WDR49: variants seen among roughly 807,000 people sequenced by gnomAD.
WDR49 encodes WD repeat domain 49, also known as cilia- and flagella-associated protein 337.
In WDR49, 107 loss-of-function variants were observed where a neutral mutation model predicts 119.5. That is an observed-to-expected ratio of 0.90 (90% CI 0.77 to 1.05). The LOEUF is 1.05. WDR49 is among the 50% of genes least tolerant of loss of function. WDR49 has a pLI of 0.00. For synonymous variants in WDR49, 425 were observed against 418.8 expected (o/e 1.01, Z -0.18); for missense variants, 1,240 against 1,220.5 (o/e 1.02, Z -0.24).
chr3:167,637,470 A>G (rs562217498), intron 2 of WDR49, among the ~76,000 whole-genome samples: 132 of 151,928 alleles, frequency 8.7e-4, no homozygotes, highest in Non-Finnish European at 1.5e-3. Flanking sequence ...TGCTTTGGCT[A>G]TGTGGGCTCT....
intron 7 of WDR49, among the ~76,000 whole-genome samples, chr3:167,597,624 C>G (rs1715549493): frequency 6.6e-6 from 1 of 152,118 alleles, no homozygotes; most frequent in South Asian, 2.1e-4. Context: ...AAGGATGGTA[C>G]CCTGCAGAGC....
rs1294369768 is a variant in WDR49 at position 167,478,954 on chromosome 3, T to C, written c.3074A>G (p.Glu1025Gly). The change falls in exon 19 of 19, where the codon GAA becomes GGA. Residue 1025 changes from glutamate to glycine, a missense_variant. Transcript: ENST00000682715. ...GGCTTTTCGTTCATGATGCAGAATTTCCTTGGGAAACAGGTTTTTCTCATC... is the reference window on the plus strand; with the variant it reads ...GGCTTTTCGTTCATGATGCAGAATTCCCTTGGGAAACAGGTTTTTCTCATC... ...VFDEKNLFPKEILHHERKAKQ... is the reference protein window; with the variant it reads ...VFDEKNLFPKGILHHERKAKQ... 1 of 1,609,424 alleles carries C rather than the reference T, an allele frequency of 6.2e-7. No individual in the cohort carries two copies. Among genetic ancestry groups the C allele is most frequent in the Admixed American group, 1.7e-5 (1 of 59,006 alleles).
At chr3:167,603,864 C>G (rs1257760066) in intron 6 of WDR49, among the ~76,000 whole-genome samples, 1 of 151,964 alleles carries the variant, frequency 6.6e-6, no homozygotes, top group Non-Finnish European at 1.5e-5. Flanking sequence ...GAAAAACAGT[C>G]TACATTTTGC....
chr3:167,548,678 A>C (rs1369530181), intron 10 of WDR49, among the ~76,000 whole-genome samples: 1 of 151,774 alleles, frequency 6.6e-6, no homozygotes, highest in African/African-American at 2.4e-5. Context: ...AGTTGCAATG[A>C]TATTTATTTT....
chr3:167,526,355 G>A (rs1457676649), intron 15 of WDR49, among the ~76,000 whole-genome samples: 2 of 152,020 alleles, frequency 1.3e-5, no homozygotes, highest in East Asian at 1.9e-4. Context: ...TTCTTGGTTC[G>A]ACCCCGGATG....
At chr3:167,646,151 G>GGACT (rs1718119290) in intron 2 of WDR49, among the ~76,000 whole-genome samples, 1 of 152,078 alleles carries the variant, frequency 6.6e-6, no homozygotes, top group Non-Finnish European at 1.5e-5. Flanking sequence ...ATTTTGTGAT[G>GGACT]GACTCATTGG....
chr3:167,619,429 TA>T (rs1046014913), intron 5 of WDR49, among the ~76,000 whole-genome samples: 2 of 152,090 alleles, frequency 1.3e-5, no homozygotes, highest in African/African-American at 4.8e-5. Flanking sequence ...ATGCAGAATT[TA>T]AAAATGTATA....
chr3:167,557,820 G>A (rs1241549727), intron 9 of WDR49, among the ~76,000 whole-genome samples: 2 of 151,858 alleles, frequency 1.3e-5, no homozygotes, highest in East Asian at 3.9e-4. Context: ...TGTGTGAAAT[G>A]CTCAGAATAG....
intron 9 of WDR49, among the ~76,000 whole-genome samples, chr3:167,559,381 G>C (rs1456765196): frequency 1.3e-5 from 2 of 152,154 alleles, no homozygotes; most frequent in South Asian, 4.1e-4. Flanking sequence ...TGGGGCTGAG[G>C]GGGGCAGAGA....
chr3:167,613,229 GTATC>G (rs1481918455), intron 5 of WDR49, among the ~76,000 whole-genome samples: 5 of 152,128 alleles, frequency 3.3e-5, no homozygotes, highest in African/African-American at 1.2e-4. Flanking sequence ...AAGTATAACT[GTATC>G]TATTCTATCT....
chr3:167,542,257 C>T (rs139168751), intron 10 of WDR49, among the ~76,000 whole-genome samples: 279 of 152,094 alleles, frequency 1.8e-3, no homozygotes, highest in African/African-American at 6.6e-3. Flanking sequence ...AAGAAACAAT[C>T]GAATTAAACT....
At chr3:167,510,886 CAA>C (rs759067210) in intron 16 of WDR49, among the ~76,000 whole-genome samples, 14 of 147,990 alleles carry the variant, frequency 9.5e-5, no homozygotes, top group Non-Finnish European at 1.9e-4. Context: ...ATATATACAC[CAA>C]GTGTACTTTT....
At chr3:167,522,749 AT>A (rs1752499123) in intron 15 of WDR49, among the ~76,000 whole-genome samples, 1 of 152,110 alleles carries the variant, frequency 6.6e-6, no homozygotes, top group East Asian at 1.9e-4. Context: ...AACTACAAAA[AT>A]TTTTTTACCA....
At chr3:167,624,262 C>G (rs1577285336) in intron 3 of WDR49, among the ~76,000 whole-genome samples, 1 of 148,656 alleles carries the variant, frequency 6.7e-6, no homozygotes, top group Non-Finnish European at 1.5e-5. Context: ...GCTATATGCA[C>G]AAAATGGAAG....
chr3:167,533,368 T>A (rs1752916576), intron 11 of WDR49, among the ~76,000 whole-genome samples: 1 of 152,138 alleles, frequency 6.6e-6, no homozygotes, highest in Admixed American at 6.6e-5. Flanking sequence ...GAGTTAATAA[T>A]TTTATTTATC....
chr3:167,521,790 G>A (rs543382061), intron 16 of WDR49, among the ~76,000 whole-genome samples: 3 of 152,214 alleles, frequency 2.0e-5, no homozygotes, highest in Non-Finnish European at 4.4e-5. Flanking sequence ...TAAATGAAAT[G>A]TAAATATGGA....
rs754006545 is a variant in WDR49, at chr3:167,576,057, A to C, written c.1370T>G (p.Phe457Cys). ...KSQDFRCLFH[F>C]DEAHGRLFIS... The stretch of plus-strand genomic sequence containing the variant: ...GAAAAGTCGTCCATGGGCTTCATCA[A>C]AGTGGAAGAGACATCTGAAGTCCTG... The change falls in exon 8 of 19, where the codon TTT becomes TGT. Residue 457 changes from phenylalanine to cysteine, a missense_variant. Transcript: ENST00000682715. The C allele has an allele frequency of 5.0e-6, 8 of 1,614,196 alleles. No homozygotes were observed. The highest frequency in any genetic ancestry group is 6.8e-6 in the Non-Finnish European group (8 of 1,180,026).
intron 18 of WDR49, among the ~76,000 whole-genome samples, chr3:167,492,545 A>G (rs1751183661): frequency 1.3e-5 from 2 of 152,146 alleles, no homozygotes; most frequent in Non-Finnish European, 2.9e-5. Context: ...ACCAATAAAT[A>G]AAATGTATCA....
intron 2 of WDR49, among the ~76,000 whole-genome samples, chr3:167,643,122 A>T (rs980347955): frequency 2.0e-5 from 3 of 152,068 alleles, no homozygotes; most frequent in Non-Finnish European, 4.4e-5. Flanking sequence ...AGTCAAACCA[A>T]TGGATGAAAT....
Sources: gnomAD v4.1 joint callset for allele counts (sites outside exome capture counted in the v4.1 genomes callset) on GRCh38, gnomAD v4.1.1 for gene constraint, MANE v1.5 for transcripts, NCBI Gene and HGNC (gene_info 2026-07-23, HGNC 2026-07-21) for gene names.